Variants in DLC1 observed in about 807,000 individuals in gnomAD.
DLC1 encodes DLC1 Rho GTPase activating protein.
In DLC1, 54 loss-of-function variants were observed where a neutral mutation model predicts 140.3. The observed-to-expected ratio is 0.38, with a 90% CI of 0.31 to 0.48. The LOEUF is 0.48. DLC1 is among the 20% of genes least tolerant of loss of function. DLC1 has a pLI of 0.96. For synonymous variants in DLC1, 986 were observed against 728.1 expected, an observed-to-expected ratio of 1.35 and a Z score of -5.70; for missense variants, 2,536 against 1,907.0, an observed-to-expected ratio of 1.33 and a Z score of -6.14.
intron 1 of DLC1, among the ~76,000 whole-genome samples, chr8:13,587,930 G>A (rs897471902): frequency 6.6e-6 from 1 of 151,874 alleles, no homozygotes; most frequent in African/African-American, 2.4e-5. Context: ...CATCCAATAT[G>A]AAAATTATGT....
At chr8:13,564,556 C>T (rs1157467882) in intron 1 of DLC1, among the ~76,000 whole-genome samples, 1 of 152,152 alleles carries the variant, frequency 6.6e-6, no homozygotes, top group Non-Finnish European at 1.5e-5. Flanking sequence ...GGAAGAGGTA[C>T]CTGCCAAATG....
intron 5 of DLC1, among the ~76,000 whole-genome samples, chr8:13,132,189 G>A (rs957017994): frequency 5.4e-5 from 8 of 147,602 alleles, no homozygotes; most frequent in Non-Finnish European, 1.0e-4. Context: ...ACCCATCTCC[G>A]GGAAAAAAAC....
At chr8:13,239,297 A>T (rs532874485) in intron 5 of DLC1, among the ~76,000 whole-genome samples, 1 of 152,092 alleles carries the variant, frequency 6.6e-6, no homozygotes, top group East Asian at 1.9e-4. Flanking sequence ...GAGCGGGGCA[A>T]ATAATCCAGT....
chr8:13,413,095 G>A (rs1052652551), intron 2 of DLC1, among the ~76,000 whole-genome samples: 2 of 151,940 alleles, frequency 1.3e-5, no homozygotes, highest in Non-Finnish European at 2.9e-5. Context: ...TTGGGACCCT[G>A]CTACTGATAA....
intron 1 of DLC1, among the ~76,000 whole-genome samples, chr8:13,571,748 G>A (rs770723501): frequency 2.6e-5 from 4 of 152,134 alleles, no homozygotes; most frequent in Non-Finnish European, 5.9e-5. Flanking sequence ...TGGATCACGT[G>A]GTAATTCTAT....
At chr8:13,156,718 G>T (rs1304786768) in intron 5 of DLC1, among the ~76,000 whole-genome samples, 2 of 152,074 alleles carry the variant, frequency 1.3e-5, no homozygotes, top group African/African-American at 4.8e-5. Context: ...GAGAATGTTC[G>T]CAACTCAAAA....
At chr8:13,512,015 T>C (rs1802388173) in intron 1 of DLC1, among the ~76,000 whole-genome samples, 1 of 152,076 alleles carries the variant, frequency 6.6e-6, no homozygotes, top group South Asian at 2.1e-4. Context: ...AGAGAAAAAA[T>C]TCTTTTTTTT....
chr8:13,547,847 A>G (rs960101535), intron 1 of DLC1, among the ~76,000 whole-genome samples: 2 of 151,962 alleles, frequency 1.3e-5, no homozygotes, highest in African/African-American at 4.8e-5. Context: ...TGTTTTCTAA[A>G]ACACACTTAT....
chr8:13,313,165 T>A (rs945405274), intron 4 of DLC1, among the ~76,000 whole-genome samples: 1 of 152,206 alleles, frequency 6.6e-6, no homozygotes, highest in African/African-American at 2.4e-5. Context: ...TTAGTGATTC[T>A]CTTTCTTCTT....
intron 1 of DLC1, among the ~76,000 whole-genome samples, chr8:13,594,649 A>G (rs1805627357): frequency 1.3e-5 from 2 of 152,118 alleles, no homozygotes; most frequent in Non-Finnish European, 2.9e-5. Context: ...TTTTCAAGAC[A>G]ATATCCTGAA....
At chr8:13,474,846 T>G in intron 2 of DLC1, among the ~76,000 whole-genome samples, 1 of 152,226 alleles carries the variant, frequency 6.6e-6, no homozygotes, top group East Asian at 1.9e-4. Context: ...GCCTGAATCC[T>G]CATTGTATCT....
intron 5 of DLC1, among the ~76,000 whole-genome samples, chr8:13,167,610 T>C (rs1825195510): frequency 6.6e-6 from 1 of 152,216 alleles, no homozygotes; most frequent in South Asian, 2.1e-4. Context: ...AGCCTTGCTA[T>C]GTGAAAGGCA....
chr8:13,468,347 C>CCCTCT, intron 2 of DLC1, among the ~76,000 whole-genome samples: 1 of 104,022 alleles, frequency 9.6e-6, no homozygotes, highest in African/African-American at 3.5e-5. Context: ...CATTCCCCTC[C>CCCTCT]CCTCCCCTCC....
intron 5 of DLC1, among the ~76,000 whole-genome samples, chr8:13,167,441 T>C (rs1242088057): frequency 1.3e-5 from 2 of 152,226 alleles, no homozygotes; most frequent in Non-Finnish European, 2.9e-5. Flanking sequence ...GCCGAGGTCC[T>C]TTCCCTCATT....
At chr8:13,194,692 G>A (rs1267288276) in intron 5 of DLC1, among the ~76,000 whole-genome samples, 1 of 152,140 alleles carries the variant, frequency 6.6e-6, no homozygotes, top group Admixed American at 6.5e-5. Flanking sequence ...ATTGTAGGCC[G>A]CAAGCATTCC....
Position 13,347,174 on chromosome 8 carries a change from T to C in DLC1, c.1315-41872A>G, listed in dbSNP as rs370575992. Among the ~76,000 whole-genome samples, 7 of 152,006 alleles carry C rather than the reference T, an allele frequency of 4.6e-5. No individual in the cohort carries two copies. In the East Asian group the frequency reaches 1.2e-3, roughly 25 times the overall value. ...ACGGAATATGTTCCCCTTTGGAAAA[T>C]GGGGGACTAATGTATACTGTTTTGG... is the stretch of plus-strand genomic sequence containing the variant. On this transcript the variant is annotated intron_variant, in intron 4 of 17. Transcript: ENST00000276297.
intron 4 of DLC1, among the ~76,000 whole-genome samples, chr8:13,376,400 C>T (rs1056533278): frequency 1.3e-5 from 2 of 152,114 alleles, no homozygotes; most frequent in Admixed American, 6.6e-5. Context: ...AAATCTTCTG[C>T]GTGACTTGGT....
At chr8:13,345,547 C>CTTTTTTTTTTTTTTTTT (rs535092622) in intron 4 of DLC1, among the ~76,000 whole-genome samples, 816 of 67,478 alleles carry the variant, frequency 0.012, 95 homozygotes, top group Non-Finnish European at 0.017. Flanking sequence ...TTCACTCACA[C>CTTTTTTTTTTTTTTTTT]TTTTTTTTTT....
At chr8:13,218,958 G>GAATATAAT (rs370930887) in intron 5 of DLC1, among the ~76,000 whole-genome samples, 3 of 31,692 alleles carry the variant, frequency 9.5e-5, no homozygotes, top group South Asian at 9.4e-4. Context: ...AATTATATAC[G>GAATATAAT]TATATAATTA....
Sources: allele counts gnomAD v4.1 joint callset (sites outside exome capture counted in the v4.1 genomes callset), GRCh38; gene constraint gnomAD v4.1.1; transcripts MANE v1.5; gene names NCBI Gene and HGNC (gene_info 2026-07-23, HGNC 2026-07-21).